Variants in HSDL2 observed in about 807,000 individuals in gnomAD.
HSDL2 encodes hydroxysteroid dehydrogenase like 2, also known as hydroxysteroid dehydrogenase-like protein 2.
Under a neutral mutation model 46.3 loss-of-function variants are expected in HSDL2, and 27 were observed. That is an observed-to-expected ratio of 0.58 (90% CI 0.43 to 0.80). The LOEUF (loss-of-function observed/expected upper bound fraction) is 0.80, where lower values mean the gene tolerates loss of function less well. HSDL2 is among the 30% of genes least tolerant of loss of function. The pLI is 0.00. For missense variants in HSDL2, 451 were observed against 502.7 expected (o/e 0.90, Z 0.98); for synonymous variants, 153 against 163.6 (o/e 0.94, Z 0.50).
At chr9:112,381,975 C>A (rs532905808) in intron 1 of HSDL2, among the ~76,000 whole-genome samples, 1 of 152,164 alleles carries the variant, frequency 6.6e-6, no homozygotes, top group Non-Finnish European at 1.5e-5. Context: ...CAGTGGCTCA[C>A]GCCTGTAGTC....
intron 7 of HSDL2, among the ~76,000 whole-genome samples, chr9:112,440,976 C>A (rs1297716441): frequency 6.6e-6 from 1 of 151,994 alleles, no homozygotes; most frequent in Non-Finnish European, 1.5e-5. Flanking sequence ...CCACTGCACT[C>A]AAGCCTGGGT....
At chr9:112,397,794 C>T (rs1389727961) in intron 1 of HSDL2, among the ~76,000 whole-genome samples, 3 of 152,128 alleles carry the variant, frequency 2.0e-5, no homozygotes, top group Non-Finnish European at 4.4e-5. Context: ...GACCTCAGTA[C>T]AAAGAGTCTG....
At chr9:112,442,164 G>A (rs571926866) in intron 8 of HSDL2, among the ~76,000 whole-genome samples, 27 of 151,476 alleles carry the variant, frequency 1.8e-4, no homozygotes, top group South Asian at 1.0e-3. Flanking sequence ...AGCTACTCAG[G>A]AGGCTGAGGT....
At chr9:112,451,941 T>C (rs1434471030) in intron 8 of HSDL2, among the ~76,000 whole-genome samples, 1 of 152,220 alleles carries the variant, frequency 6.6e-6, no homozygotes, top group Non-Finnish European at 1.5e-5. Context: ...ATGTTTGATC[T>C]GGATACATCT....
chr9:112,401,716 G>T (rs1027990498), intron 1 of HSDL2, among the ~76,000 whole-genome samples: 1 of 152,078 alleles, frequency 6.6e-6, no homozygotes, highest in African/African-American at 2.4e-5. Flanking sequence ...CGTTCTGTGG[G>T]GTGGGGGAGG....
At chr9:112,452,174 ACAT>A (rs767508801) in intron 8 of HSDL2, among the ~76,000 whole-genome samples, 6 of 152,344 alleles carry the variant, frequency 3.9e-5, no homozygotes, top group East Asian at 1.9e-4. Flanking sequence ...ATTTGTGGAA[ACAT>A]CATAATGAAA....
In HSDL2 at chr9:112,470,704, T is replaced by G; in HGVS notation, c.*160T>G. The G allele has an allele frequency of 3.9e-6, 2 of 509,766 alleles. No homozygotes were observed. Among genetic ancestry groups the G allele is most frequent in the African/African-American group, 2.0e-5 (1 of 50,724 alleles). The allele number at this position is 509,766 out of a possible 1,614,324, so 31.6% of individuals were successfully genotyped here. On this transcript the variant is annotated 3_prime_UTR_variant, in exon 11 of 11. Transcript: ENST00000398805. ...TCTCTAAAAGACTTGAAATTGTAAT[T>G]AAAATGGCAAGCTAATCAAACATAA...
intron 8 of HSDL2, among the ~76,000 whole-genome samples, chr9:112,444,425 T>G (rs1341294983): frequency 6.6e-6 from 1 of 151,894 alleles, no homozygotes; most frequent in Non-Finnish European, 1.5e-5. Flanking sequence ...TTGATGGGTT[T>G]TTTTTTTCTT....
At chr9:112,447,817 TAAAC>T (rs10571291) in intron 8 of HSDL2, among the ~76,000 whole-genome samples, 145,468 of 152,216 alleles carry the variant, frequency 0.96, 69,573 homozygotes, top group African/African-American at 0.98. Context: ...TTGTTTTTAT[TAAAC>T]AAATTGAAAT....
At position 112,442,065 on chromosome 9, in the gene HSDL2, G is replaced by A. The variant is rs539717641; in HGVS notation, c.865+295G>A. ...TCACTTGAGTCCAGGAGTTTGCGAC[G>A]AGCTTGGGCAACATGGCGAAACCCC... is the stretch of plus-strand genomic sequence containing the variant. On this transcript the variant is annotated intron_variant, in intron 8 of 10. Coordinates refer to ENST00000398805, the MANE Select transcript of HSDL2 (RefSeq NM_032303.5). Among the ~76,000 whole-genome samples, 6 of 151,304 alleles carry A rather than the reference G, an allele frequency of 4.0e-5. No homozygotes were observed. The South Asian group carries it at 6.3e-4, about 16-fold the overall frequency.
At chr9:112,417,259 A>G (rs564521378) in intron 5 of HSDL2, among the ~76,000 whole-genome samples, 3 of 152,312 alleles carry the variant, frequency 2.0e-5, no homozygotes, top group South Asian at 4.1e-4. Flanking sequence ...TCATTTCCCA[A>G]TGAGTGTGTT....
At chr9:112,460,901 G>A (rs376110892) in intron 10 of HSDL2, among the ~76,000 whole-genome samples, 14 of 151,722 alleles carry the variant, frequency 9.2e-5, no homozygotes, top group African/African-American at 3.4e-4. Flanking sequence ...ATCTTATTAT[G>A]GTTTGCATAA....
chr9:112,382,498 C>G (rs530551107), intron 1 of HSDL2, among the ~76,000 whole-genome samples: 1 of 152,120 alleles, frequency 6.6e-6, no homozygotes, highest in African/African-American at 2.4e-5. Context: ...TGTATTTAAA[C>G]CAGGGACAAT....
intron 1 of HSDL2, among the ~76,000 whole-genome samples, chr9:112,400,203 T>A (rs1831557474): frequency 6.6e-6 from 1 of 152,224 alleles, no homozygotes; most frequent in Non-Finnish European, 1.5e-5. Flanking sequence ...TGGGATATCA[T>A]TTCATAATAC....
chr9:112,426,926 C>T (rs1055647055), intron 6 of HSDL2, among the ~76,000 whole-genome samples: 3 of 152,146 alleles, frequency 2.0e-5, no homozygotes, highest in Non-Finnish European at 4.4e-5. Flanking sequence ...TAGTACATCA[C>T]GTACTATTCC....
intron 7 of HSDL2, among the ~76,000 whole-genome samples, chr9:112,439,103 C>G (rs1832589586): frequency 6.6e-6 from 1 of 152,104 alleles, no homozygotes; most frequent in Admixed American, 6.6e-5. Context: ...CAGGCTCAAG[C>G]AATCCTTCCA....
intron 1 of HSDL2, 76 bp from the exon 2 acceptor site, chr9:112,403,919 T>C: frequency 7.0e-7 from 1 of 1,421,968 alleles, no homozygotes; most frequent in East Asian, 2.3e-5. Context: ...ATTATGAAAA[T>C]ATGCATGAGG....
intron 8 of HSDL2, among the ~76,000 whole-genome samples, chr9:112,445,053 A>AT (rs1448806428): frequency 6.6e-6 from 1 of 151,746 alleles, no homozygotes; most frequent in Admixed American, 6.6e-5. Flanking sequence ...TAATTTTTAA[A>AT]TTTTTTGTAA....
rs538248655 is a variant in HSDL2, at chr9:112,436,970, TTTTTTTTG to T, written c.599-1460_599-1453del. Among the ~76,000 whole-genome samples the T allele has an allele frequency of 8.1e-4, 118 of 145,576 alleles. 1 individual carries two copies. The highest frequency in any genetic ancestry group is 2.9e-3 in the African/African-American group (113 of 38,796). ...TTCTTTTCTTTTTTTCTTTTTTTTT[TTTTTTTTG>T]AGACGGAGTCTCGCTCTGTCACCCA... On this transcript the variant is annotated intron_variant, in intron 6 of 10. Coordinates refer to ENST00000398805, the MANE Select transcript of HSDL2 (RefSeq NM_032303.5).
Sources: allele counts gnomAD v4.1 joint callset (sites outside exome capture counted in the v4.1 genomes callset), GRCh38; gene constraint gnomAD v4.1.1; transcripts MANE v1.5; gene names NCBI Gene and HGNC (gene_info 2026-07-23, HGNC 2026-07-21).